Variants in RBFOX1 observed in about 807,000 individuals in gnomAD.
The protein encoded by RBFOX1 is RNA binding fox-1 homolog 1, also known as RNA binding protein fox-1 homolog 1.
Under a neutral mutation model 57.7 loss-of-function variants are expected in RBFOX1, and 8 were observed. The observed-to-expected ratio is 0.14, with a 90% CI of 0.08 to 0.25. RBFOX1 has a LOEUF of 0.25. Among genes scored for constraint, RBFOX1 ranks in the 10% least tolerant of loss-of-function variants. RBFOX1 has a pLI of 1.00. For synonymous variants in RBFOX1, 326 were observed against 222.4 expected (o/e 1.47, Z -4.15); for missense variants, 611 against 548.5 (o/e 1.11, Z -1.14).
intron 4 of RBFOX1, among the ~76,000 whole-genome samples, chr16:7,381,848 C>G (rs1330627701): frequency 6.6e-6 from 1 of 152,098 alleles, no homozygotes; most frequent in Non-Finnish European, 1.5e-5. Flanking sequence ...CTGCTGAGTG[C>G]TTTGTTGGGC....
At chr16:6,252,363 A>G (rs1425804815) in intron 1 of RBFOX1, among the ~76,000 whole-genome samples, 1 of 152,176 alleles carries the variant, frequency 6.6e-6, no homozygotes, top group Non-Finnish European at 1.5e-5. Context: ...AGACCTTAGG[A>G]TAAAGATAAT....
At chr16:5,807,997 C>T (rs184724349) in intron 3 of RBFOX1, among the ~76,000 whole-genome samples, 30 of 152,290 alleles carry the variant, frequency 2.0e-4, no homozygotes, top group African/African-American at 6.0e-4. Flanking sequence ...GCTGTGTCTC[C>T]TGAACACCTA....
intron 3 of RBFOX1, among the ~76,000 whole-genome samples, chr16:6,968,723 C>G (rs1415547619): frequency 1.3e-5 from 2 of 152,276 alleles, no homozygotes; most frequent in South Asian, 2.1e-4. Context: ...CTCATGGCAG[C>G]TGGCCTCATC....
chr16:6,015,101 C>T (rs2094985370), upstream of RBFOX1, among the ~76,000 whole-genome samples: 1 of 152,244 alleles, frequency 6.6e-6, no homozygotes, highest in Non-Finnish European at 1.5e-5. Flanking sequence ...AAGCAGTCTG[C>T]CCACTTCAGC....
intron 2 of RBFOX1, among the ~76,000 whole-genome samples, chr16:6,386,954 G>A (rs1458703050): frequency 2.6e-5 from 4 of 152,180 alleles, no homozygotes; most frequent in Non-Finnish European, 5.9e-5. Flanking sequence ...TAAAGAGAGA[G>A]GTGTTGGGGT....
chr16:6,732,296 A>C (rs527641004), intron 3 of RBFOX1, among the ~76,000 whole-genome samples: 2 of 152,184 alleles, frequency 1.3e-5, no homozygotes, highest in Non-Finnish European at 2.9e-5. Flanking sequence ...CCAGCTCCAG[A>C]ATTCACCGTC....
intron 3 of RBFOX1, among the ~76,000 whole-genome samples, chr16:5,782,868 C>G (rs1471355939): frequency 6.6e-6 from 1 of 152,162 alleles, no homozygotes; most frequent in Non-Finnish European, 1.5e-5. Context: ...GATGTTTCAG[C>G]TCAAGCAGGG....
At chr16:6,469,953 A>C (rs2095136961) in intron 2 of RBFOX1, among the ~76,000 whole-genome samples, 1 of 152,196 alleles carries the variant, frequency 6.6e-6, no homozygotes, top group Admixed American at 6.5e-5. Flanking sequence ...ACTGGTGATA[A>C]AGAGTTTATG....
chr16:6,315,461 A>G (rs993907058), intron 1 of RBFOX1, among the ~76,000 whole-genome samples: 23 of 143,982 alleles, frequency 1.6e-4, no homozygotes, highest in Non-Finnish European at 3.3e-4. Flanking sequence ...GAATCGGTGG[A>G]TGGGTGGATG....
chr16:6,161,466 C>A (rs931229351), intron 1 of RBFOX1, among the ~76,000 whole-genome samples: 1 of 151,946 alleles, frequency 6.6e-6, no homozygotes, highest in African/African-American at 2.4e-5. Flanking sequence ...GCTGGGGCAG[C>A]TGACTAACAA....
intron 2 of RBFOX1, among the ~76,000 whole-genome samples, chr16:6,508,226 G>A (rs549832768): frequency 2.5e-4 from 38 of 152,168 alleles, no homozygotes; most frequent in African/African-American, 9.2e-4. Context: ...GGTGGAAGGT[G>A]GAAGGAGGGA....
chr16:6,624,995 T>A (rs2098282924), intron 2 of RBFOX1, among the ~76,000 whole-genome samples: 1 of 151,710 alleles, frequency 6.6e-6, no homozygotes, highest in Admixed American at 6.6e-5. Flanking sequence ...TGAAACCCCA[T>A]CTCTACTAAA....
chr16:5,882,106 A>G (rs1183488542), intron 4 of RBFOX1, among the ~76,000 whole-genome samples: 1 of 152,226 alleles, frequency 6.6e-6, no homozygotes, highest in African/African-American at 2.4e-5. Flanking sequence ...ATTAAGTAAC[A>G]AAGTCACATG....
intron 1 of RBFOX1, among the ~76,000 whole-genome samples, chr16:6,280,752 A>C (rs902107786): frequency 6.6e-6 from 1 of 152,110 alleles, no homozygotes; most frequent in Non-Finnish European, 1.5e-5. Flanking sequence ...CGGTCATTAC[A>C]TAAACCAGTC....
chr16:5,813,652 C>T (rs750112718), intron 3 of RBFOX1, among the ~76,000 whole-genome samples: 1 of 152,190 alleles, frequency 6.6e-6, no homozygotes, highest in Non-Finnish European at 1.5e-5. Flanking sequence ...TAACAGGGAT[C>T]CTGTATCAGG....
chr16:6,836,453 G>C (rs939852686), intron 3 of RBFOX1, among the ~76,000 whole-genome samples: 1 of 152,178 alleles, frequency 6.6e-6, no homozygotes, highest in Admixed American at 6.5e-5. Context: ...TGGGGATTCT[G>C]CTTAGCTCTG....
rs527610311 is a variant in RBFOX1, at chr16:6,960,221, C to G, written c.-15-91836C>G. On this transcript the variant is annotated intron_variant, in intron 3 of 15. Transcript: ENST00000550418. Reference sequence around the variant, plus strand: ...AAGAGAAGGATAATCATCCCAGCACCTGGACCCATTTAGATTAAGTAAATT... The same window carrying G: ...AAGAGAAGGATAATCATCCCAGCACGTGGACCCATTTAGATTAAGTAAATT... 2.6e-5 allele frequency among the ~76,000 whole-genome samples: 4 copies of G among 152,266 alleles called. No individual in the cohort carries two copies. The South Asian group carries it at 6.2e-4, about 24-fold the overall frequency.
chr16:7,613,839 AAAGTT>A, intron 10 of RBFOX1, among the ~76,000 whole-genome samples: 1 of 152,168 alleles, frequency 6.6e-6, no homozygotes, highest in East Asian at 1.9e-4. Context: ...GCATCTGAGA[AAAGTT>A]AAGATTGTCT....
chr16:5,791,110 C>T (rs988735594), intron 3 of RBFOX1, among the ~76,000 whole-genome samples: 11 of 152,022 alleles, frequency 7.2e-5, no homozygotes, highest in African/African-American at 2.2e-4. Flanking sequence ...TCAAGTGATC[C>T]GCCTGCGTTG....
Sources: gnomAD v4.1 joint callset for allele counts (sites outside exome capture counted in the v4.1 genomes callset) on GRCh38, gnomAD v4.1.1 for gene constraint, MANE v1.5 for transcripts, NCBI Gene and HGNC (gene_info 2026-07-23, HGNC 2026-07-21) for gene names.